The following CYP3A5 variants were observed in gnomAD, a reference collection of about 807,000 sequenced individuals.
The protein encoded by CYP3A5 is cytochrome P450 3A5.
CYP3A5 carries 51 observed loss-of-function variants against 55.9 expected under a neutral mutation model. The observed-to-expected ratio is 0.91, with a 90% CI of 0.73 to 1.15. The LOEUF (loss-of-function observed/expected upper bound fraction) is 1.15. Ranked by LOEUF, CYP3A5 falls within the 50% of genes most tolerant of loss-of-function variation. The probability of loss-of-function intolerance (pLI) is 0.00; values close to 1 mark genes in which losing one functional copy is unlikely to be tolerated. For missense variants in CYP3A5, 533 were observed against 596.6 expected, an observed-to-expected ratio of 0.89 and a Z score of 1.11; for synonymous variants, 196 against 213.9, an observed-to-expected ratio of 0.92 and a Z score of 0.73.
chr7:99,665,332 T>C lies in CYP3A5; in HGVS notation c.522-18A>G, dbSNP rs1415193140. 6 of 1,613,828 alleles carry C rather than the reference T, an allele frequency of 3.7e-6. No individual in the cohort carries two copies. Among genetic ancestry groups the C allele is most frequent in the East Asian group, 2.2e-5 (1 of 44,872 alleles). ...CAAAGATGCTGAGTGGAGAAAGATATGGAAAATTAAAATCAGCACCTCTTA... is the reference window on the plus strand; with the variant it reads ...CAAAGATGCTGAGTGGAGAAAGATACGGAAAATTAAAATCAGCACCTCTTA... On this transcript the variant is annotated intron_variant, in intron 6 of 12. Transcript: ENST00000222982.
intron 10 of CYP3A5, chr7:99,660,236 TTTTTTTTTTAC>T: frequency 1.0e-6 from 1 of 972,706 alleles, no homozygotes; most frequent in Non-Finnish European, 1.2e-6. Context: ...TTTTTTTTTT[TTTTTTTTTTAC>T]TTAGCATTAT....
chr7:99,652,817 T>C, intron 10 of CYP3A5, 38 bp from the exon 11 acceptor site: 1 of 1,521,848 alleles, frequency 6.6e-7, no homozygotes, highest in African/African-American at 1.4e-5. Flanking sequence ...ATCTGAGATT[T>C]TGAATTAACT....
At chr7:99,675,567 G>A (rs1359398368) in intron 2 of CYP3A5, among the ~76,000 whole-genome samples, 3 of 144,360 alleles carry the variant, frequency 2.1e-5, no homozygotes, top group Non-Finnish European at 4.5e-5. Context: ...GGTAAACCTG[G>A]CCATGCTTTG....
intron 1 of CYP3A5, among the ~76,000 whole-genome samples, chr7:99,676,890 C>G (rs1353760767): frequency 1.3e-5 from 2 of 152,110 alleles, no homozygotes; most frequent in African/African-American, 2.4e-5. Context: ...ACCTCAGTCT[C>G]TGTGGTCAGA....
intron 3 of CYP3A5, among the ~76,000 whole-genome samples, chr7:99,673,265 TGAA>T: frequency 6.6e-6 from 1 of 152,268 alleles, no homozygotes; most frequent in East Asian, 1.9e-4. Context: ...GGGGAGAAGA[TGAA>T]GAAGTACAAA....
At chr7:99,667,518 A>AT (rs4646451) in intron 4 of CYP3A5, among the ~76,000 whole-genome samples, 20 of 151,842 alleles carry the variant, frequency 1.3e-4, no homozygotes, top group African/African-American at 4.3e-4. Context: ...TGATGTGGTG[A>AT]TTTTTTTTTG....
intron 6 of CYP3A5, 60 bp from the exon 7 acceptor site, chr7:99,665,374 C>T (rs1810901725): frequency 1.3e-6 from 2 of 1,599,268 alleles, no homozygotes; most frequent in South Asian, 2.2e-5. Flanking sequence ...TTCCACTATA[C>T]ATGCAGCAAG....
At chr7:99,678,375 T>A (rs188199605) in intron 1 of CYP3A5, among the ~76,000 whole-genome samples, 3 of 152,350 alleles carry the variant, frequency 2.0e-5, no homozygotes, top group East Asian at 1.9e-4. Context: ...CCTGGAAGCC[T>A]TTGCTATCGT....
At chr7:99,675,308 C>T (rs990940303) in intron 2 of CYP3A5, among the ~76,000 whole-genome samples, 1 of 152,206 alleles carries the variant, frequency 6.6e-6, no homozygotes, top group African/African-American at 2.4e-5. Context: ...TTTAACCATG[C>T]AAAAGAAGGT....
At chr7:99,652,287 AT>A in intron 11 of CYP3A5, 1 of 223,478 alleles carries the variant, frequency 4.5e-6, no homozygotes, top group Non-Finnish European at 8.8e-6. Context: ...TACCATTCTA[AT>A]TTTTAAAAAT....
In CYP3A5 at chr7:99,664,081, G is replaced by A. The variant is rs1374581144; in HGVS notation, c.685C>T (p.Leu229Phe). The stretch of plus-strand genomic sequence containing the variant: ...TTTAATGCTTCAAAAACTGGGGTAA[G>A]GAATGGAAAGAGTACTGTGGGAAAA... ...LFLSIILFPF[L>F]TPVFEALNVS... The change falls in exon 8 of 13, where the codon CTT (leucine) becomes TTT (phenylalanine). Residue 229 changes from leucine (L) to phenylalanine (F), a missense_variant. Physicochemically the swap from Leu to Phe is conservative, Grantham distance 22. Transcript: ENST00000222982. 5.7e-6 allele frequency: 9 copies of A among 1,586,760 alleles called. No individual in the cohort carries two copies. Among genetic ancestry groups the A allele is most frequent in the Non-Finnish European group, 6.8e-6 (8 of 1,173,272 alleles).
At position 99,654,689 on chromosome 7, in the gene CYP3A5, G is replaced by A. The variant is rs559897013; in HGVS notation, c.1027-1910C>T. ...TCCACAATGGTTGAACTAGTTTACA[G>A]TCCCACCAACAGTGTAAAAGTGTTC... On this transcript the variant is annotated intron_variant, in intron 10 of 12. Coordinates refer to ENST00000222982, the MANE Select transcript of CYP3A5 (RefSeq NM_000777.5). Among the ~76,000 whole-genome samples, 9 of 152,330 alleles carry A rather than the reference G, an allele frequency of 5.9e-5. No homozygotes were observed. The East Asian group carries it at 1.5e-3, about 26-fold the overall frequency.
intron 5 of CYP3A5, 116 bp downstream of exon 5, chr7:99,666,836 T>A (rs1562996574): frequency 1.3e-6 from 2 of 1,576,480 alleles, no homozygotes; most frequent in Non-Finnish European, 1.7e-6. Flanking sequence ...AAAGACCATT[T>A]TTAGGAAGCT....
chr7:99,650,319 C>G (rs1809047523), intron 11 of CYP3A5, 87 bp from the exon 12 acceptor site: 1 of 1,196,492 alleles, frequency 8.4e-7, no homozygotes, highest in Non-Finnish European at 1.2e-6. Context: ...AGAACAACCC[C>G]CCTCCACCTC....
At chr7:99,649,533 C>T (rs1039015129) in intron 12 of CYP3A5, among the ~76,000 whole-genome samples, 2 of 152,150 alleles carry the variant, frequency 1.3e-5, no homozygotes, top group Non-Finnish European at 1.5e-5. Context: ...ATTAGTCATT[C>T]TCCACCTTGG....
At position 99,662,660 on chromosome 7, in the gene CYP3A5, A is replaced by G. The variant is rs932520794; in HGVS notation, c.865+156T>C. 1.3e-5 allele frequency among the ~76,000 whole-genome samples: 2 copies of G among 152,190 alleles called. No individual in the cohort carries two copies. The highest frequency in any genetic ancestry group is 2.4e-5 in the African/African-American group (1 of 41,446). ...TGGCTATACCTGTGGGCTTCTGGAA[A>G]GTGCCTCCAGCTACCATTTATAACA... is the stretch of plus-strand genomic sequence containing the variant. On this transcript the variant is annotated intron_variant, in intron 9 of 12. Transcript: ENST00000222982. This position sits in a 1 kb window ranked among gnomAD's most constrained non-coding sequence, Gnocchi z 4.3.
intron 11 of CYP3A5, among the ~76,000 whole-genome samples, chr7:99,650,701 A>G (rs1235319840): frequency 1.3e-5 from 2 of 150,840 alleles, no homozygotes; most frequent in African/African-American, 4.9e-5. Flanking sequence ...CTTTTTTTCT[A>G]ATTCCCCTCC....
At position 99,660,496 on chromosome 7, in the gene CYP3A5, C is replaced by T. The variant is rs779631885; in HGVS notation, c.1026+3G>A. 2 of 1,608,398 alleles carry T rather than the reference C, an allele frequency of 1.2e-6. No homozygotes were observed. Among genetic ancestry groups the T allele is most frequent in the Non-Finnish European group, 1.7e-6 (2 of 1,177,180 alleles). ...CCTTCATCTCCAGGGGTCATCCCCT[C>T]ACCTTATTGGGCAAAACTGCATCAA... On this transcript the variant is annotated splice_donor_region_variant and intron_variant, in intron 10 of 12. Coordinates refer to ENST00000222982, the MANE Select transcript of CYP3A5 (RefSeq NM_000777.5).
rs1809401213 is a variant in CYP3A5 at position 99,653,601 on chromosome 7, C to G, written c.1027-822G>C. Among the ~76,000 whole-genome samples the G allele has an allele frequency of 1.3e-5, 2 of 152,086 alleles. No homozygotes were observed. Among genetic ancestry groups the G allele is most frequent in the African/African-American group, 4.8e-5 (2 of 41,394 alleles). On this transcript the variant is annotated intron_variant, in intron 10 of 12. Transcript: ENST00000222982. This position sits in a 1 kb window ranked among gnomAD's most constrained non-coding sequence, Gnocchi z 4.2. The stretch of plus-strand genomic sequence containing the variant: ...TAAAGTTATGAAGAGAATAGAACCC[C>G]ACACTCAGCCCCATCCCCTCCTTTT...
Sources: allele counts gnomAD v4.1 joint callset (sites outside exome capture counted in the v4.1 genomes callset), GRCh38; gene constraint gnomAD v4.1.1; non-coding constraint Gnocchi (gnomAD v3.1); transcripts MANE v1.5; gene names NCBI Gene and HGNC (gene_info 2026-07-23, HGNC 2026-07-21).